Variants in STPG2 observed in about 807,000 individuals in gnomAD.
The protein encoded by STPG2 is sperm-tail PG-rich repeat-containing protein 2.
In STPG2, 56 loss-of-function variants were observed where a neutral mutation model predicts 54.2. The observed-to-expected ratio is 1.03, with a 90% CI of 0.83 to 1.29. STPG2 has a LOEUF of 1.29. STPG2 is among the 50% of genes most tolerant of loss of function. STPG2 has a pLI of 0.00. For synonymous variants in STPG2, 200 were observed against 181.8 expected (o/e 1.10, Z -0.81); for missense variants, 596 against 544.9 (o/e 1.09, Z -0.93).
intron 8 of STPG2, among the ~76,000 whole-genome samples, chr4:97,906,915 G>C (rs1731450487): frequency 3.3e-5 from 5 of 151,900 alleles, no homozygotes. Context: ...ATCTCATACT[G>C]AATGGGCAAA....
chr4:98,011,647 A>C (rs1735754897), intron 5 of STPG2, among the ~76,000 whole-genome samples: 1 of 152,014 alleles, frequency 6.6e-6, no homozygotes, highest in African/African-American at 2.4e-5. Flanking sequence ...TTTAATAATC[A>C]CCATTCTGAC....
intron 10 of STPG2, among the ~76,000 whole-genome samples, chr4:97,680,310 T>C (rs1722992477): frequency 6.6e-6 from 1 of 151,498 alleles, no homozygotes; most frequent in Admixed American, 6.6e-5. Flanking sequence ...CATTGAGCAG[T>C]GGTTTGTAGT....
intron 7 of STPG2, among the ~76,000 whole-genome samples, chr4:97,953,650 G>A (rs1468012226): frequency 2.0e-5 from 3 of 152,188 alleles, no homozygotes; most frequent in African/African-American, 7.2e-5. Context: ...ATTCCCCATT[G>A]CTCCTTAAAT....
intron 8 of STPG2, among the ~76,000 whole-genome samples, chr4:97,899,761 C>G (rs1560577969): frequency 6.6e-6 from 1 of 152,072 alleles, no homozygotes; most frequent in Non-Finnish European, 1.5e-5. Context: ...GGATAACTGG[C>G]AGCTACATGC....
At chr4:98,028,533 G>T (rs1052641532) in intron 5 of STPG2, among the ~76,000 whole-genome samples, 3 of 152,080 alleles carry the variant, frequency 2.0e-5, no homozygotes, top group African/African-American at 7.2e-5. Flanking sequence ...TTCACTAGCA[G>T]TAAGTATCTT....
intron 4 of STPG2, among the ~76,000 whole-genome samples, chr4:97,445,860 C>T (rs1048654672): frequency 2.0e-5 from 3 of 152,084 alleles, no homozygotes; most frequent in Non-Finnish European, 4.4e-5. Context: ...GTAGTTTCCT[C>T]CTGAAATACA....
intron 10 of STPG2, among the ~76,000 whole-genome samples, chr4:97,570,560 GT>G (rs34459070): frequency 0.024 from 3,496 of 145,208 alleles, 118 homozygotes; most frequent in African/African-American, 0.081. Context: ...AAAAACAAAA[GT>G]TTTTTTTTTT....
intron 5 of STPG2, among the ~76,000 whole-genome samples, chr4:97,996,839 C>T (rs994511448): frequency 6.6e-6 from 1 of 152,104 alleles, no homozygotes; most frequent in Non-Finnish European, 1.5e-5. Context: ...GAAAAAAATG[C>T]TCAACATCAC....
chr4:97,989,966 G>T (rs1455456121), intron 5 of STPG2, among the ~76,000 whole-genome samples: 1 of 152,198 alleles, frequency 6.6e-6, no homozygotes, highest in African/African-American at 2.4e-5. Flanking sequence ...GGAGGTGAAG[G>T]TGCAGATAAA....
intron 5 of STPG2, among the ~76,000 whole-genome samples, chr4:98,093,172 T>C (rs1738741510): frequency 6.6e-6 from 1 of 152,168 alleles, no homozygotes; most frequent in East Asian, 1.9e-4. Flanking sequence ...TAAAGATTTA[T>C]CTTAAAGACT....
At chr4:97,859,467 T>C (rs1340686647) in intron 8 of STPG2, among the ~76,000 whole-genome samples, 1 of 34,702 alleles carries the variant, frequency 2.9e-5, no homozygotes, top group Non-Finnish European at 5.9e-5. Context: ...TTTTCTTTTC[T>C]TTTTTTTTTT....
chr4:97,717,677 C>T (rs956244536), intron 9 of STPG2, among the ~76,000 whole-genome samples: 10 of 152,046 alleles, frequency 6.6e-5, no homozygotes, highest in South Asian at 2.1e-4. Context: ...TCTGTGATAA[C>T]GTAAATACAT....
At position 98,076,040 on chromosome 4, in the gene STPG2, T is replaced by G. The variant is rs189038227; in HGVS notation, c.612+29913A>C. Among the ~76,000 whole-genome samples, 688 of 152,118 alleles carry G rather than the reference T, an allele frequency of 4.5e-3. 2 individuals are homozygous for G. Among genetic ancestry groups the G allele is most frequent in the Non-Finnish European group, 7.2e-3 (492 of 67,980 alleles). ...CGGGCAGATCACGAGGTCAGGAGATTGAGACCATCCTGGCTAACATGGTGA... is the reference window on the plus strand; with the variant it reads ...CGGGCAGATCACGAGGTCAGGAGATGGAGACCATCCTGGCTAACATGGTGA... On this transcript the variant is annotated intron_variant, in intron 5 of 10. Coordinates refer to ENST00000295268, the MANE Select transcript of STPG2 (RefSeq NM_174952.3).
At chr4:98,014,086 A>G (rs893790092) in intron 5 of STPG2, among the ~76,000 whole-genome samples, 9 of 152,014 alleles carry the variant, frequency 5.9e-5, no homozygotes, top group Admixed American at 2.0e-4. Context: ...AGATCCTTCT[A>G]TCTTTCCCTT....
intron 10 of STPG2, among the ~76,000 whole-genome samples, chr4:97,692,832 T>C (rs1723416202): frequency 6.6e-6 from 1 of 152,132 alleles, no homozygotes; most frequent in East Asian, 1.9e-4. Flanking sequence ...AAACCTATCA[T>C]ATTAACAGGA....
chr4:97,505,488 C>A (rs1019071418), intron 4 of STPG2, among the ~76,000 whole-genome samples: 4 of 151,824 alleles, frequency 2.6e-5, no homozygotes, highest in Non-Finnish European at 5.9e-5. Context: ...GACTCAGATA[C>A]AAACAGGAGT....
intron 5 of STPG2, among the ~76,000 whole-genome samples, chr4:98,018,551 T>C (rs889686087): frequency 2.0e-5 from 3 of 152,210 alleles, no homozygotes; most frequent in African/African-American, 7.2e-5. Flanking sequence ...GATGGCTGGG[T>C]CAAATGGTAT....
intron 8 of STPG2, among the ~76,000 whole-genome samples, chr4:97,934,481 G>A (rs1406233074): frequency 1.3e-5 from 2 of 152,168 alleles, no homozygotes; most frequent in African/African-American, 4.8e-5. Flanking sequence ...CACTCAGTAT[G>A]ATATTAGCTG....
intron 9 of STPG2, among the ~76,000 whole-genome samples, chr4:97,780,882 A>G (rs932188777): frequency 3.9e-5 from 6 of 152,146 alleles, no homozygotes; most frequent in Admixed American, 2.0e-4. Flanking sequence ...TTTGAAACCA[A>G]CGAGAACAAA....
Sources: gnomAD v4.1 joint callset for allele counts (sites outside exome capture counted in the v4.1 genomes callset) on GRCh38, gnomAD v4.1.1 for gene constraint, MANE v1.5 for transcripts, NCBI Gene and HGNC (gene_info 2026-07-23, HGNC 2026-07-21) for gene names.